The following THSD7A variants were observed in gnomAD, a reference collection of about 807,000 sequenced individuals.
THSD7A encodes thrombospondin type 1 domain containing 7A.
THSD7A carries 96 observed loss-of-function variants against 231.3 expected under a neutral mutation model. The ratio of observed to expected loss-of-function variants is 0.41; its 90% CI spans 0.35 to 0.49. The LOEUF is 0.49. Among genes scored for constraint, THSD7A ranks in the 20% least tolerant of loss-of-function variants. THSD7A has a pLI of 0.05. For synonymous variants in THSD7A, 940 were observed against 743.3 expected, an observed-to-expected ratio of 1.26 and a Z score of -4.30; for missense variants, 2,290 against 2,070.2, an observed-to-expected ratio of 1.11 and a Z score of -2.06.
At chr7:11,391,193 CAGTGCCCCTTGCCCCA>C (rs1298889466) in intron 23 of THSD7A, among the ~76,000 whole-genome samples, 2 of 152,202 alleles carry the variant, frequency 1.3e-5, no homozygotes, top group Non-Finnish European at 2.9e-5. Context: ...GCTGCACTCA[CAGTGCCCCTTGCCCCA>C]GGTGCTCTGT....
At chr7:11,554,161 T>G (rs1426720723) in intron 4 of THSD7A, among the ~76,000 whole-genome samples, 1 of 152,040 alleles carries the variant, frequency 6.6e-6, no homozygotes, top group Non-Finnish European at 1.5e-5. Context: ...ACTTAATGTC[T>G]ACCAGAATCT....
At chr7:11,475,935 CTTT>C (rs553018024) in intron 7 of THSD7A, among the ~76,000 whole-genome samples, 6 of 110,742 alleles carry the variant, frequency 5.4e-5, no homozygotes, top group Admixed American at 9.5e-5. Flanking sequence ...AAATACTTTC[CTTT>C]TTTTTTTTTT....
At chr7:11,778,792 T>C (rs952023537) in intron 1 of THSD7A, among the ~76,000 whole-genome samples, 7 of 152,156 alleles carry the variant, frequency 4.6e-5, no homozygotes, top group African/African-American at 1.7e-4. Context: ...AATTGTCACA[T>C]TGACAATATA....
At chr7:11,687,323 T>G (rs1177583812) in intron 1 of THSD7A, among the ~76,000 whole-genome samples, 1 of 151,992 alleles carries the variant, frequency 6.6e-6, no homozygotes. Flanking sequence ...ATCATTCATT[T>G]TAGTTGTAAC....
intron 23 of THSD7A, among the ~76,000 whole-genome samples, chr7:11,396,081 A>T (rs1435961180): frequency 6.6e-6 from 1 of 151,922 alleles, no homozygotes; most frequent in East Asian, 1.9e-4. Context: ...ATAAGTAAGT[A>T]AGTTATTTGA....
At chr7:11,615,660 T>C (rs1781081089) in intron 2 of THSD7A, among the ~76,000 whole-genome samples, 1 of 152,220 alleles carries the variant, frequency 6.6e-6, no homozygotes, top group South Asian at 2.1e-4. Context: ...GGTGGTCAGC[T>C]TTTTTGCTCA....
intron 6 of THSD7A, among the ~76,000 whole-genome samples, chr7:11,523,881 T>A (rs1245170535): frequency 6.6e-6 from 1 of 152,120 alleles, no homozygotes; most frequent in Admixed American, 6.6e-5. Context: ...TTGTACACAA[T>A]TTTTTTAAAT....
chr7:11,411,810 T>G lies in THSD7A; in HGVS notation c.3683-488A>C, dbSNP rs2115384640. On this transcript the variant is annotated intron_variant, in intron 18 of 27. Transcript: ENST00000423059. This position sits in a 1 kb window ranked among gnomAD's most constrained non-coding sequence, Gnocchi z 4.1. ...GTTTATTAAAGTGATAAAAATCACT[T>G]TGGCCATATTTATTCATTCTCTTAT... Among the ~76,000 whole-genome samples, 2 of 152,276 alleles carry G rather than the reference T, an allele frequency of 1.3e-5. No homozygotes were observed. The highest frequency in any genetic ancestry group is 3.9e-4 in the East Asian group (2 of 5,188).
intron 23 of THSD7A, among the ~76,000 whole-genome samples, chr7:11,399,867 T>TTTATTGCGGCACTA (rs1239489515): frequency 6.6e-6 from 1 of 152,050 alleles, no homozygotes; most frequent in East Asian, 1.9e-4. Flanking sequence ...CACACATACG[T>TTTATTGCGGCACTA]TTATTGCGGC....
chr7:11,412,378 G>A (rs536940822), intron 18 of THSD7A, among the ~76,000 whole-genome samples: 31 of 152,198 alleles, frequency 2.0e-4, no homozygotes, highest in African/African-American at 6.7e-4. Context: ...TCACCTTCCC[G>A]AAGTGAGAGG....
Position 11,486,335 on chromosome 7 carries a change from G to T in THSD7A, c.1823-4353C>A, listed in dbSNP as rs567761471. On this transcript the variant is annotated intron_variant, in intron 6 of 27. Transcript: ENST00000423059. Reference sequence around the variant, plus strand: ...GTATATATAGGAGTACATTAAACACGCACATATCTAAATATCAGGTTAATT... The same window carrying T: ...GTATATATAGGAGTACATTAAACACTCACATATCTAAATATCAGGTTAATT... 2.0e-5 allele frequency among the ~76,000 whole-genome samples: 3 copies of T among 152,254 alleles called. No individual in the cohort carries two copies. The East Asian group carries it at 5.8e-4, about 29-fold the overall frequency.
chr7:11,726,155 A>G (rs537800604), intron 1 of THSD7A, among the ~76,000 whole-genome samples: 307 of 152,156 alleles, frequency 2.0e-3, no homozygotes, highest in South Asian at 3.5e-3. Context: ...ACTGCCAAAT[A>G]TCCTACACAT....
intron 1 of THSD7A, among the ~76,000 whole-genome samples, chr7:11,777,980 T>C (rs2128173526): frequency 8.0e-6 from 1 of 125,672 alleles, no homozygotes; most frequent in Non-Finnish European, 1.7e-5. Flanking sequence ...AAACCCCGTC[T>C]CTACTAAAAA....
At chr7:11,782,629 TTGAGGCCAGAA>T (rs1467239287) in intron 1 of THSD7A, among the ~76,000 whole-genome samples, 1 of 152,108 alleles carries the variant, frequency 6.6e-6, no homozygotes, top group East Asian at 1.9e-4. Flanking sequence ...CTTAAATAAA[TTGAGGCCAGAA>T]ACTGTTTTAA....
chr7:11,659,481 T>C (rs1000673275), intron 1 of THSD7A, among the ~76,000 whole-genome samples: 1 of 151,486 alleles, frequency 6.6e-6, no homozygotes, highest in Non-Finnish European at 1.5e-5. Flanking sequence ...TCTCTTGATA[T>C]TGTGTTTTGG....
chr7:11,740,205 G>A (rs1782062138), intron 1 of THSD7A, among the ~76,000 whole-genome samples: 1 of 151,986 alleles, frequency 6.6e-6, no homozygotes, highest in South Asian at 2.1e-4. Context: ...ACAGGCAAGA[G>A]GAAGGCAATG....
At chr7:11,469,249 T>A (rs1045604764) in intron 9 of THSD7A, among the ~76,000 whole-genome samples, 18 of 152,164 alleles carry the variant, frequency 1.2e-4, no homozygotes, top group African/African-American at 4.3e-4. Context: ...TGTTGATACC[T>A]TTCTCATCAG....
intron 6 of THSD7A, among the ~76,000 whole-genome samples, chr7:11,501,667 C>T (rs774656707): frequency 7.9e-5 from 12 of 152,068 alleles, no homozygotes; most frequent in Admixed American, 2.6e-4. Context: ...AAAATGCCCA[C>T]ATCAAAAAGT....
At chr7:11,773,290 T>C (rs1157254872) in intron 1 of THSD7A, among the ~76,000 whole-genome samples, 1 of 152,138 alleles carries the variant, frequency 6.6e-6, no homozygotes, top group Non-Finnish European at 1.5e-5. Flanking sequence ...TCTCAGCACT[T>C]TGGGAGGCCG....
Sources: gnomAD v4.1 joint callset for allele counts (sites outside exome capture counted in the v4.1 genomes callset) on GRCh38, gnomAD v4.1.1 for gene constraint, Gnocchi (gnomAD v3.1) non-coding constraint, MANE v1.5 for transcripts, NCBI Gene and HGNC (gene_info 2026-07-23, HGNC 2026-07-21) for gene names.